KCND3: variants seen among roughly 807,000 people sequenced by gnomAD.
KCND3 encodes A-type voltage-gated potassium channel KCND3.
Under a neutral mutation model 51.1 loss-of-function variants are expected in KCND3, and 9 were observed. The ratio of observed to expected loss-of-function variants is 0.18; its 90% CI spans 0.11 to 0.31. The LOEUF is 0.31. KCND3 is among the 10% of genes least tolerant of loss of function. KCND3 has a pLI of 1.00. For missense variants in KCND3, 526 were observed against 903.8 expected, an observed-to-expected ratio of 0.58 and a Z score of 5.36; for synonymous variants, 349 against 368.0, an observed-to-expected ratio of 0.95 and a Z score of 0.59.
chr1:111,920,370 G>T (rs1671422674), intron 2 of KCND3, among the ~76,000 whole-genome samples: 1 of 152,232 alleles, frequency 6.6e-6, no homozygotes, highest in Non-Finnish European at 1.5e-5. Context: ...CCACACTGAA[G>T]AAACACAGTC....
chr1:111,788,496 GTGAATGAA>G (rs370279010), intron 2 of KCND3, among the ~76,000 whole-genome samples: 1 of 152,194 alleles, frequency 6.6e-6, no homozygotes, highest in South Asian at 2.1e-4. Context: ...CAGGTATTCG[GTGAATGAA>G]TGAATGAATG....
intron 2 of KCND3, among the ~76,000 whole-genome samples, chr1:111,806,181 C>T (rs1665562283): frequency 6.6e-6 from 1 of 152,326 alleles, no homozygotes; most frequent in Middle Eastern, 3.4e-3. Context: ...AGAACGGGGT[C>T]ACTCAAAGGG....
intron 2 of KCND3, among the ~76,000 whole-genome samples, chr1:111,927,853 C>T (rs1038715366): frequency 6.6e-6 from 1 of 152,148 alleles, no homozygotes; most frequent in African/African-American, 2.4e-5. Context: ...TCTTCCCTCT[C>T]CACAGCACTC....
chr1:111,912,493 T>C (rs1671003525), intron 2 of KCND3, among the ~76,000 whole-genome samples: 2 of 152,228 alleles, frequency 1.3e-5, no homozygotes, highest in South Asian at 4.1e-4. Context: ...TATTTTACAG[T>C]GTCCTCCTAT....
intron 2 of KCND3, among the ~76,000 whole-genome samples, chr1:111,804,977 T>C (rs535515344): frequency 2.0e-5 from 3 of 152,206 alleles, no homozygotes; most frequent in South Asian, 2.1e-4. Context: ...CATGCTCCCC[T>C]GAGGGCCCGT....
intron 2 of KCND3, among the ~76,000 whole-genome samples, chr1:111,971,574 A>G (rs1034237760): frequency 1.3e-5 from 2 of 151,608 alleles, no homozygotes; most frequent in Admixed American, 1.3e-4. Context: ...GGCCAATCTC[A>G]TCTATTTTTT....
chr1:111,857,229 C>T (rs1477258621), intron 2 of KCND3, among the ~76,000 whole-genome samples: 1 of 152,200 alleles, frequency 6.6e-6, no homozygotes, highest in Non-Finnish European at 1.5e-5. Context: ...GGATCATCAT[C>T]GCGGTGTTAC....
At chr1:111,980,394 T>C (rs1674883955) in intron 2 of KCND3, among the ~76,000 whole-genome samples, 1 of 152,040 alleles carries the variant, frequency 6.6e-6, no homozygotes, top group Non-Finnish European at 1.5e-5. Flanking sequence ...ATGACAAATG[T>C]AATCATTTTA....
intron 2 of KCND3, among the ~76,000 whole-genome samples, chr1:111,904,203 G>A (rs760471717): frequency 6.6e-6 from 1 of 151,274 alleles, no homozygotes; most frequent in East Asian, 1.9e-4. Flanking sequence ...TCTAGGACCC[G>A]GGGCAAAGGC....
intron 2 of KCND3, among the ~76,000 whole-genome samples, chr1:111,947,466 T>G (rs2101898859): frequency 6.6e-6 from 1 of 152,380 alleles, no homozygotes; most frequent in Middle Eastern, 3.4e-3. Context: ...TTTAGTGATG[T>G]GAAAATTGTA....
intron 1 of KCND3, among the ~76,000 whole-genome samples, chr1:111,984,001 A>G (rs1675121615): frequency 6.6e-6 from 1 of 152,196 alleles, no homozygotes; most frequent in South Asian, 2.1e-4. Flanking sequence ...ACGGAAACAC[A>G]CGTAACAGAA....
At chr1:111,916,913 T>G (rs978848406) in intron 2 of KCND3, among the ~76,000 whole-genome samples, 3 of 152,224 alleles carry the variant, frequency 2.0e-5, no homozygotes, top group African/African-American at 7.2e-5. Flanking sequence ...TAGTTAAATC[T>G]TTCCACAAAT....
At chr1:111,912,699 ATG>A (rs1671019647) in intron 2 of KCND3, among the ~76,000 whole-genome samples, 1 of 152,196 alleles carries the variant, frequency 6.6e-6, no homozygotes, top group Non-Finnish European at 1.5e-5. Context: ...GCCTAGGCTA[ATG>A]TGTGTGTTTG....
intron 2 of KCND3, among the ~76,000 whole-genome samples, chr1:111,970,048 C>G (rs1190004692): frequency 6.6e-6 from 1 of 151,422 alleles, no homozygotes; most frequent in Non-Finnish European, 1.5e-5. Context: ...TGGAGTTTCA[C>G]TCTTGTCGCC....
intron 2 of KCND3, among the ~76,000 whole-genome samples, chr1:111,877,813 C>T (rs890319216): frequency 5.3e-5 from 8 of 152,136 alleles, no homozygotes; most frequent in African/African-American, 1.9e-4. Context: ...TAATGGGAGC[C>T]AGCCTTGGAC....
intron 2 of KCND3, among the ~76,000 whole-genome samples, chr1:111,880,821 A>G (rs1669266921): frequency 6.6e-6 from 1 of 152,088 alleles, no homozygotes; most frequent in African/African-American, 2.4e-5. Context: ...CTGCTTGGAA[A>G]TTGCTTTCCC....
In KCND3 at chr1:111,775,899, C is replaced by G; in HGVS notation, c.*178G>C. 1 of 591,776 alleles carries G rather than the reference C, an allele frequency of 1.7e-6. No homozygotes were observed. Among genetic ancestry groups the G allele is most frequent in the East Asian group, 3.9e-5 (1 of 25,904 alleles). 36.7% of individuals were successfully genotyped at this position (591,776 alleles called of 1,614,324 possible). A position where few individuals can be genotyped will look rare whatever the true frequency, so the allele number is the denominator to read the frequency against. On this transcript the variant is annotated 3_prime_UTR_variant, in exon 8 of 8. Coordinates refer to ENST00000302127, the MANE Select transcript of KCND3 (RefSeq NM_001378969.1). ...CTATGTCCACGCTAGCAGCGTGAACCTCAGGTGCCCCTTTGCTACCTCTTT... is the reference window on the plus strand; with the variant it reads ...CTATGTCCACGCTAGCAGCGTGAACGTCAGGTGCCCCTTTGCTACCTCTTT...
intron 2 of KCND3, among the ~76,000 whole-genome samples, chr1:111,976,174 A>G (rs1391653838): frequency 5.9e-5 from 9 of 152,206 alleles, no homozygotes; most frequent in African/African-American, 2.2e-4. Context: ...TGTTGAGTAA[A>G]TAACTGAATG....
At chr1:111,950,662 G>A (rs1188152831) in intron 2 of KCND3, among the ~76,000 whole-genome samples, 1 of 152,226 alleles carries the variant, frequency 6.6e-6, no homozygotes, top group Non-Finnish European at 1.5e-5. Context: ...GAGGGCAGGA[G>A]GGCAGAAATC....
Sources: allele counts gnomAD v4.1 joint callset (sites outside exome capture counted in the v4.1 genomes callset), GRCh38; gene constraint gnomAD v4.1.1; transcripts MANE v1.5; gene names NCBI Gene and HGNC (gene_info 2026-07-23, HGNC 2026-07-21).